Variants in DOCK1 observed in about 807,000 individuals in gnomAD.
DOCK1 encodes dedicator of cytokinesis protein 1.
A neutral mutation model predicts 262.7 loss-of-function variants in DOCK1; 138 were observed. That is an observed-to-expected ratio of 0.53 (90% CI 0.46 to 0.61). DOCK1 has a LOEUF of 0.61. Among genes scored for constraint, DOCK1 ranks in the 20% least tolerant of loss-of-function variants. The probability of loss-of-function intolerance (pLI) is 0.00; values close to 1 mark genes in which losing one functional copy is unlikely to be tolerated. For synonymous variants in DOCK1, 866 were observed against 867.4 expected, an observed-to-expected ratio of 1.00 and a Z score of 0.03; for missense variants, 1,908 against 2,370.7, an observed-to-expected ratio of 0.80 and a Z score of 4.05.
At chr10:127,425,280 A>G (rs972989734) in intron 46 of DOCK1, among the ~76,000 whole-genome samples, 5 of 152,176 alleles carry the variant, frequency 3.3e-5, no homozygotes, top group African/African-American at 1.2e-4. Context: ...AGCTGGGAGA[A>G]TGAAAATGTC....
At chr10:127,313,881 C>T (rs984141592) in intron 29 of DOCK1, among the ~76,000 whole-genome samples, 3 of 128,994 alleles carry the variant, frequency 2.3e-5, no homozygotes, top group Non-Finnish European at 4.6e-5. Flanking sequence ...TCCCAGCTTG[C>T]TCGTATTTGT....
intron 27 of DOCK1, among the ~76,000 whole-genome samples, chr10:127,173,051 T>C (rs2054729718): frequency 6.6e-6 from 1 of 152,180 alleles, no homozygotes. Flanking sequence ...TGGCAGCCTG[T>C]GTGCCGGGCA....
At chr10:126,917,846 A>G (rs2032686051) in intron 1 of DOCK1, among the ~76,000 whole-genome samples, 1 of 152,136 alleles carries the variant, frequency 6.6e-6, no homozygotes, top group Non-Finnish European at 1.5e-5. Context: ...GGTCGAGGAC[A>G]TTAGAGGCCT....
intron 32 of DOCK1, among the ~76,000 whole-genome samples, chr10:127,356,999 G>T (rs1340964164): frequency 1.3e-5 from 2 of 152,104 alleles, no homozygotes; most frequent in Non-Finnish European, 2.9e-5. Flanking sequence ...GATAATTAGA[G>T]ACACCACCCT....
chr10:127,302,383 A>T (rs150690517), intron 29 of DOCK1, among the ~76,000 whole-genome samples: 2 of 151,804 alleles, frequency 1.3e-5, no homozygotes, highest in East Asian at 3.9e-4. Flanking sequence ...CTGGGGGGCC[A>T]CTCCTGGGGC....
At chr10:127,092,465 C>A (rs181695208) in intron 23 of DOCK1, among the ~76,000 whole-genome samples, 1 of 152,088 alleles carries the variant, frequency 6.6e-6, no homozygotes, top group Admixed American at 6.5e-5. Context: ...TTCTCCATGG[C>A]GAGAAGAGGA....
chr10:127,409,038 G>A lies in DOCK1; in HGVS notation c.4124G>A (p.Gly1375Glu), dbSNP rs1472361796. ...YGQGFPTFLR[G>E]KVFIYRGKEY... ...TGAAATGAATGTCACCCTTTTCAGGGAAAAGTTTTCATTTACCGAGGGAAA... is the reference window on the plus strand; with the variant it reads ...TGAAATGAATGTCACCCTTTTCAGGAAAAAGTTTTCATTTACCGAGGGAAA... The change falls in exon 41 of 52, where the codon GGA (glycine) becomes GAA (glutamate). Residue 1375 changes from glycine (G) to glutamate (E), a missense_variant and splice_region_variant. Gly to Glu is a moderately conservative substitution (Grantham distance 98). Coordinates refer to ENST00000623213, the MANE Select transcript of DOCK1 (RefSeq NM_001290223.2). 1.2e-5 allele frequency: 19 copies of A among 1,580,030 alleles called. No homozygotes were observed. Among genetic ancestry groups the A allele is most frequent in the Non-Finnish European group, 1.6e-5 (19 of 1,161,776 alleles).
intron 11 of DOCK1, among the ~76,000 whole-genome samples, chr10:127,011,664 G>C (rs79429632): frequency 0.012 from 1,852 of 152,254 alleles, 92 homozygotes; most frequent in Admixed American, 0.079. Flanking sequence ...CGTGGGACTA[G>C]GCAGTGGTGT....
At chr10:126,931,367 C>T (rs2034173778) in intron 1 of DOCK1, among the ~76,000 whole-genome samples, 1 of 152,174 alleles carries the variant, frequency 6.6e-6, no homozygotes, top group African/African-American at 2.4e-5. Flanking sequence ...GGGGTGAAGA[C>T]ACCAGGATGC....
At chr10:127,316,506 G>T (rs1358151755) in intron 29 of DOCK1, among the ~76,000 whole-genome samples, 1 of 152,102 alleles carries the variant, frequency 6.6e-6, no homozygotes, top group African/African-American at 2.4e-5. Flanking sequence ...CCTTGTATTG[G>T]ATTCATTCTG....
intron 27 of DOCK1, among the ~76,000 whole-genome samples, chr10:127,237,849 T>G (rs952764298): frequency 3.3e-5 from 5 of 152,242 alleles, no homozygotes; most frequent in African/African-American, 1.2e-4. Context: ...ATAAGTCTTC[T>G]CACTAGATTG....
chr10:126,951,145 G>A (rs1213109138), intron 1 of DOCK1, among the ~76,000 whole-genome samples: 8 of 151,604 alleles, frequency 5.3e-5, no homozygotes, highest in Admixed American at 5.3e-4. Flanking sequence ...TAGCATGGTT[G>A]TTGGTGGTAG....
At chr10:127,272,815 G>T (rs982205240) in intron 29 of DOCK1, among the ~76,000 whole-genome samples, 1 of 152,198 alleles carries the variant, frequency 6.6e-6, no homozygotes, top group Non-Finnish European at 1.5e-5. Flanking sequence ...TGTCTCACAC[G>T]GTGGCAGACA....
chr10:127,389,425 C>T (rs2066337179), intron 38 of DOCK1, among the ~76,000 whole-genome samples: 1 of 152,194 alleles, frequency 6.6e-6, no homozygotes, highest in Admixed American at 6.5e-5. Context: ...CCTTTCCACA[C>T]TCCATTCCCA....
intron 3 of DOCK1, among the ~76,000 whole-genome samples, chr10:126,981,028 A>G (rs934848422): frequency 6.8e-6 from 1 of 147,832 alleles, no homozygotes; most frequent in Non-Finnish European, 1.5e-5. Flanking sequence ...GCTCACTGCA[A>G]CCTCCACTTC....
At chr10:127,393,531 C>T (rs1045772265) in intron 38 of DOCK1, among the ~76,000 whole-genome samples, 1 of 152,122 alleles carries the variant, frequency 6.6e-6, no homozygotes, top group Admixed American at 6.5e-5. Flanking sequence ...GAGCAGGGGT[C>T]CCCATCCCAG....
intron 23 of DOCK1, among the ~76,000 whole-genome samples, chr10:127,072,204 G>A (rs2046272608): frequency 6.6e-6 from 1 of 152,196 alleles, no homozygotes; most frequent in African/African-American, 2.4e-5. Flanking sequence ...TCAGAGTTAT[G>A]CTTAGTACCT....
At chr10:126,999,579 C>T (rs1286841599) in intron 9 of DOCK1, 144 bp downstream of exon 9, 21 of 627,664 alleles carry the variant, frequency 3.3e-5, no homozygotes, top group South Asian at 3.2e-4. Context: ...CTAAGTAGAG[C>T]GCATTTCCAG....
intron 27 of DOCK1, chr10:127,137,609 C>T (rs933729330): frequency 7.0e-6 from 3 of 429,440 alleles, no homozygotes; most frequent in East Asian, 3.5e-5. Context: ...TCAGATTTTA[C>T]ATCCCACATC....
Sources: gnomAD v4.1 joint callset for allele counts (sites outside exome capture counted in the v4.1 genomes callset) on GRCh38, gnomAD v4.1.1 for gene constraint, MANE v1.5 for transcripts, NCBI Gene and HGNC (gene_info 2026-07-23, HGNC 2026-07-21) for gene names.